The following GRIA1 variants were observed in gnomAD, a reference collection of about 807,000 sequenced individuals.
GRIA1 encodes the protein glutamate ionotropic receptor AMPA type subunit 1.
Under a neutral mutation model 99.2 loss-of-function variants are expected in GRIA1, and 31 were observed. The observed-to-expected ratio is 0.31, with a 90% CI of 0.23 to 0.42. The LOEUF is 0.42. GRIA1 is among the 10% of genes least tolerant of loss of function. The probability of loss-of-function intolerance (pLI) is 1.00; values close to 1 mark genes in which losing one functional copy is unlikely to be tolerated. For synonymous variants in GRIA1, 438 were observed against 432.4 expected (o/e 1.01, Z -0.16); for missense variants, 782 against 1,157.5 (o/e 0.68, Z 4.71).
chr5:153,695,955 T>C (rs1056703499), intron 8 of GRIA1, among the ~76,000 whole-genome samples: 3 of 152,222 alleles, frequency 2.0e-5, no homozygotes, highest in Non-Finnish European at 4.4e-5. Flanking sequence ...ACAGGAACTC[T>C]GGAACAAGTA....
rs921251469 is a variant in GRIA1 at position 153,688,721 on chromosome 5, C to CTT, written c.1134+2398_1134+2399dup. On this transcript the variant is annotated intron_variant, in intron 8 of 15. Transcript: ENST00000285900. ...CCCAAGGCCATCTTCCTTTCAGATT[C>CTT]TTTTTTTGTTTTTTTGGAGACAGAG... 1.2e-4 allele frequency among the ~76,000 whole-genome samples: 18 copies of CTT among 151,284 alleles called. 1 individual carries two copies. In the South Asian group the frequency reaches 2.3e-3, roughly 19 times the overall value.
At position 153,734,223 on chromosome 5, in the gene GRIA1, C is replaced by A. The variant is rs568171127; in HGVS notation, c.1823+28156C>A. Among the ~76,000 whole-genome samples, 7 of 152,242 alleles carry A rather than the reference C, an allele frequency of 4.6e-5. No individual in the cohort carries two copies. In the East Asian group the frequency reaches 1.4e-3, roughly 29 times the overall value. On this transcript the variant is annotated intron_variant, in intron 11 of 15. Coordinates refer to ENST00000285900, the MANE Select transcript of GRIA1 (RefSeq NM_000827.4). The stretch of plus-strand genomic sequence containing the variant: ...CCCCAATTCCTGCATGTGTAAATTC[C>A]CATCCACCACAGTTCTGGCACCCAG...
At chr5:153,757,248 G>T (rs1762890635) in intron 11 of GRIA1, among the ~76,000 whole-genome samples, 2 of 151,998 alleles carry the variant, frequency 1.3e-5, no homozygotes, top group Non-Finnish European at 2.9e-5. Flanking sequence ...ACAGCCAAAG[G>T]AGAAAATAGG....
chr5:153,655,901 C>G (rs1338242149), intron 5 of GRIA1, 29 bp downstream of exon 5: 1 of 1,605,890 alleles, frequency 6.2e-7, no homozygotes, highest in Non-Finnish European at 8.5e-7. Flanking sequence ...GCTCTCAGCT[C>G]AAGTCCTTTC....
intron 12 of GRIA1, among the ~76,000 whole-genome samples, chr5:153,767,390 A>G (rs1763586550): frequency 6.6e-6 from 1 of 152,248 alleles, no homozygotes; most frequent in Admixed American, 6.5e-5. Flanking sequence ...TGCAGTGGAA[A>G]GGCACAATGT....
chr5:153,607,024 T>C, intron 2 of GRIA1, among the ~76,000 whole-genome samples: 1 of 136,814 alleles, frequency 7.3e-6, no homozygotes, highest in Admixed American at 7.7e-5. Context: ...AAAAGAATGA[T>C]ATAAACATAT....
In GRIA1 at chr5:153,510,930, C is replaced by T. The variant is rs958509698; in HGVS notation, c.220+16865C>T. 2.0e-5 allele frequency among the ~76,000 whole-genome samples: 3 copies of T among 152,008 alleles called. No individual in the cohort carries two copies. In the South Asian group the frequency reaches 6.2e-4, roughly 32 times the overall value. ...GGATATTAATAGGTTATTTGGGGAG[C>T]ATTGGGGGTGATGAGGGAAGGTTGC... On this transcript the variant is annotated intron_variant, in intron 2 of 15. Coordinates refer to ENST00000285900, the MANE Select transcript of GRIA1 (RefSeq NM_000827.4).
intron 2 of GRIA1, among the ~76,000 whole-genome samples, chr5:153,565,632 C>T (rs933653539): frequency 6.6e-6 from 1 of 152,144 alleles, no homozygotes; most frequent in African/African-American, 2.4e-5. Flanking sequence ...TCTAAGCAAC[C>T]ATGAATCTAC....
rs554311353 is a variant in GRIA1, at chr5:153,514,453, T to G, written c.220+20388T>G. Among the ~76,000 whole-genome samples the G allele has an allele frequency of 1.2e-4, 18 of 152,358 alleles. No individual in the cohort carries two copies. In the East Asian group the frequency reaches 2.9e-3, roughly 25 times the overall value. On this transcript the variant is annotated intron_variant, in intron 2 of 15. Transcript: ENST00000285900. ...ACCATTTATTGAAGAGACTATCCTTTTCCCCTTGTGTGCTCTTGGCACCTT... is the reference window on the plus strand; with the variant it reads ...ACCATTTATTGAAGAGACTATCCTTGTCCCCTTGTGTGCTCTTGGCACCTT...
At chr5:153,729,554 G>T (rs1208252930) in intron 11 of GRIA1, among the ~76,000 whole-genome samples, 3 of 151,938 alleles carry the variant, frequency 2.0e-5, no homozygotes, top group Non-Finnish European at 4.4e-5. Context: ...CCAGCTCTCT[G>T]CAAATTCACA....
At chr5:153,506,421 T>C (rs1755513559) in intron 2 of GRIA1, among the ~76,000 whole-genome samples, 2 of 151,974 alleles carry the variant, frequency 1.3e-5, no homozygotes, top group African/African-American at 4.8e-5. Flanking sequence ...TCTAGATCCC[T>C]TTCCAAGTGT....
intron 2 of GRIA1, among the ~76,000 whole-genome samples, chr5:153,567,850 A>G (rs1761784947): frequency 1.3e-5 from 2 of 152,120 alleles, no homozygotes; most frequent in South Asian, 4.2e-4. Context: ...ATAAAAATAG[A>G]GAGGTAGGCT....
intron 2 of GRIA1, among the ~76,000 whole-genome samples, chr5:153,518,113 G>C (rs539637506): frequency 4.6e-5 from 7 of 152,244 alleles, no homozygotes; most frequent in African/African-American, 1.7e-4. Flanking sequence ...CAATTCCCAC[G>C]TTACTTTCTC....
chr5:153,671,001 A>C (rs564223975), intron 5 of GRIA1, among the ~76,000 whole-genome samples: 1 of 152,218 alleles, frequency 6.6e-6, no homozygotes, highest in Non-Finnish European at 1.5e-5. Context: ...ATAGTTCATG[A>C]CCACAAGTTA....
chr5:153,727,468 A>G (rs375737832), intron 11 of GRIA1, among the ~76,000 whole-genome samples: 6 of 152,346 alleles, frequency 3.9e-5, no homozygotes, highest in East Asian at 3.9e-4. Flanking sequence ...AGATGACATG[A>G]TTGTATATCT....
At position 153,698,070 on chromosome 5, in the gene GRIA1, G is replaced by C. The variant is rs781595034; in HGVS notation, c.1161G>C (p.Lys387Asn). The C allele has an allele frequency of 3.7e-6, 6 of 1,607,962 alleles. No homozygotes were observed. Among genetic ancestry groups the C allele is most frequent in the Non-Finnish European group, 5.1e-6 (6 of 1,174,490 alleles). ...RKIGYWNEDD[K>N]FVPAATDAQA... ...TTGGTTACTGGAATGAAGATGATAA[G>C]TTTGTCCCTGCAGCCACCGATGCCC... The change falls in exon 9 of 16, where the codon AAG becomes AAC. Residue 387 changes from lysine to asparagine, a missense_variant. By Grantham distance (94) the Lys-to-Asn change is moderately conservative (BLOSUM62 0). Around this residue, in one of 5 missense-constraint regions of GRIA1, gnomAD observed 461 missense variants for 521.7 expected, o/e 0.88. Coordinates refer to ENST00000285900, the MANE Select transcript of GRIA1 (RefSeq NM_000827.4).
rs1757321096 is a variant in GRIA1 at position 153,686,089 on chromosome 5, G to T, written c.1030-136G>T. The T allele has an allele frequency of 4.3e-6, 3 of 693,638 alleles. No homozygotes were observed. The East Asian group carries it at 7.6e-5, about 18-fold the overall frequency. 43.0% of individuals were successfully genotyped at this position (693,638 alleles called of 1,614,324 possible). On this transcript the variant is annotated intron_variant, in intron 7 of 15. Coordinates refer to ENST00000285900, the MANE Select transcript of GRIA1 (RefSeq NM_000827.4). ...CTTGCCTGTGGCAAGGGAGTGAAGA[G>T]TTTTAGCATTCAGGATACTCCAAGA... is the stretch of plus-strand genomic sequence containing the variant.
chr5:153,706,400 T>G (rs1336447429), intron 11 of GRIA1, among the ~76,000 whole-genome samples: 1 of 152,208 alleles, frequency 6.6e-6, no homozygotes, highest in African/African-American at 2.4e-5. Context: ...ACCTACCAAA[T>G]GCCAAGCAAG....
intron 2 of GRIA1, among the ~76,000 whole-genome samples, chr5:153,585,885 A>C (rs1763442078): frequency 6.6e-6 from 1 of 152,124 alleles, no homozygotes; most frequent in Non-Finnish European, 1.5e-5. Context: ...AACCTGTTTT[A>C]GTGTCATCCT....
Sources: allele counts gnomAD v4.1 joint callset (sites outside exome capture counted in the v4.1 genomes callset), GRCh38; gene constraint gnomAD v4.1.1; regional missense constraint gnomAD v4.1.1; transcripts MANE v1.5; gene names NCBI Gene and HGNC (gene_info 2026-07-23, HGNC 2026-07-21).